Variants in CNTNAP4 observed in about 807,000 individuals in gnomAD.
The protein encoded by CNTNAP4 is contactin-associated protein-like 4.
Under a neutral mutation model 148.4 loss-of-function variants are expected in CNTNAP4, and 98 were observed. That is an observed-to-expected ratio of 0.66 (90% CI 0.56 to 0.78). CNTNAP4 has a LOEUF of 0.78. Ranked by LOEUF, CNTNAP4 falls within the 30% of genes least tolerant of loss-of-function variation. The pLI is 0.00. For synonymous variants in CNTNAP4, 730 were observed against 565.1 expected, an observed-to-expected ratio of 1.29 and a Z score of -4.14; for missense variants, 1,935 against 1,565.6, an observed-to-expected ratio of 1.24 and a Z score of -3.98.
chr16:76,383,191 C>G (rs563358076), intron 3 of CNTNAP4, among the ~76,000 whole-genome samples: 2 of 151,374 alleles, frequency 1.3e-5, no homozygotes, highest in Non-Finnish European at 2.9e-5. Context: ...TTTGGAAGCA[C>G]TCCAGGTCAG....
At chr16:76,515,603 T>A (rs1182561770) in intron 15 of CNTNAP4, among the ~76,000 whole-genome samples, 1 of 152,192 alleles carries the variant, frequency 6.6e-6, no homozygotes, top group Non-Finnish European at 1.5e-5. Context: ...TTAAGCCACC[T>A]GACCTGTGAG....
At chr16:76,400,968 A>C (rs1303874) in intron 3 of CNTNAP4, among the ~76,000 whole-genome samples, 1,765 of 152,210 alleles carry the variant, frequency 0.012, 25 homozygotes, top group Non-Finnish European at 0.019. Context: ...AAGTCAGATA[A>C]CATGACGTCT....
At position 76,327,249 on chromosome 16, in the gene CNTNAP4, T is replaced by G. The variant is rs190655712; in HGVS notation, c.196+10726T>G. Among the ~76,000 whole-genome samples, 8 of 152,284 alleles carry G rather than the reference T, an allele frequency of 5.3e-5. No individual in the cohort carries two copies. The East Asian group carries it at 1.5e-3, about 29-fold the overall frequency. On this transcript the variant is annotated intron_variant, in intron 2 of 23. Transcript: ENST00000611870. ...TCCTCAGTGTCTTTTGTTCCCAACTTTAGGTCCATACGCTCCCAATATTTT... is the reference window on the plus strand; with the variant it reads ...TCCTCAGTGTCTTTTGTTCCCAACTGTAGGTCCATACGCTCCCAATATTTT...
intron 1 of CNTNAP4, among the ~76,000 whole-genome samples, chr16:76,294,823 T>G (rs2143865144): frequency 6.6e-6 from 1 of 152,342 alleles, no homozygotes; most frequent in African/African-American, 2.4e-5. Flanking sequence ...ACCAGTTTTC[T>G]TGAAATGTTA....
At position 76,401,800 on chromosome 16, in the gene CNTNAP4, C is replaced by G. The variant is rs146635628; in HGVS notation, c.391-25652C>G. Among the ~76,000 whole-genome samples the G allele has an allele frequency of 1.6e-3, 243 of 152,282 alleles. 1 individual carries two copies. Among genetic ancestry groups the G allele is most frequent in the African/African-American group, 5.5e-3 (229 of 41,558 alleles). ...CCTTTTCCACATCTATTGAGATAAT[C>G]ATGTGATTTTTGTCTTTAGTTCTGT... is the stretch of plus-strand genomic sequence containing the variant. On this transcript the variant is annotated intron_variant, in intron 3 of 23. Coordinates refer to ENST00000611870, the MANE Select transcript of CNTNAP4 (RefSeq NM_033401.5).
chr16:76,357,392 G>C (rs939323533), intron 3 of CNTNAP4, among the ~76,000 whole-genome samples: 1 of 152,188 alleles, frequency 6.6e-6, no homozygotes, highest in African/African-American at 2.4e-5. Flanking sequence ...CCCAGGCACT[G>C]CCATTTACCT....
chr16:76,305,933 A>T (rs1470458528), intron 1 of CNTNAP4, among the ~76,000 whole-genome samples: 1 of 152,152 alleles, frequency 6.6e-6, no homozygotes, highest in Non-Finnish European at 1.5e-5. Context: ...TTCCTGCATT[A>T]ATTTACTTAA....
intron 3 of CNTNAP4, among the ~76,000 whole-genome samples, chr16:76,406,874 G>A (rs149297788): frequency 2.2e-4 from 33 of 152,242 alleles, no homozygotes; most frequent in Non-Finnish European, 3.8e-4. Flanking sequence ...ACAAGGTGAA[G>A]CAGCAAATCC....
chr16:76,374,220 G>A (rs2015175309), intron 3 of CNTNAP4, among the ~76,000 whole-genome samples: 2 of 152,114 alleles, frequency 1.3e-5, no homozygotes, highest in South Asian at 4.1e-4. Context: ...ATCCTCAGGG[G>A]GCAATCACTT....
chr16:76,443,163 C>A (rs763452722), intron 4 of CNTNAP4, among the ~76,000 whole-genome samples: 4 of 151,696 alleles, frequency 2.6e-5, no homozygotes, highest in Non-Finnish European at 5.9e-5. Context: ...TATATAAAAC[C>A]TCAGTTAATA....
Position 76,548,295 on chromosome 16 carries a change from C to CATTTTTTTTTTTTTTT in CNTNAP4, c.3443-4988_3443-4987insATTTTTTTTTTTTTTT, listed in dbSNP as rs759580311. 1.4e-4 allele frequency among the ~76,000 whole-genome samples: 13 copies of CATTTTTTTTTTTTTTT among 92,904 alleles called. 2 individuals carry two copies. Among genetic ancestry groups the CATTTTTTTTTTTTTTT allele is most frequent in the Non-Finnish European group, 1.2e-4 (6 of 48,280 alleles). 60.9% of individuals were successfully genotyped at this position (92,904 alleles called of 152,430 possible). On this transcript the variant is annotated intron_variant, in intron 21 of 23. Coordinates refer to ENST00000611870, the MANE Select transcript of CNTNAP4 (RefSeq NM_033401.5). ...CCCTGGCTCTCTTGATTCACTGCAC[C>CATTTTTTTTTTTTTTT]TTTTTTTTTTTTTTTTTTTTTTTTG...
intron 15 of CNTNAP4, among the ~76,000 whole-genome samples, chr16:76,516,573 A>G (rs954036105): frequency 2.6e-5 from 4 of 152,204 alleles, no homozygotes; most frequent in African/African-American, 9.7e-5. Flanking sequence ...TCCCCAGGGA[A>G]CTGGCAACTT....
In CNTNAP4 at chr16:76,374,301, C is replaced by T. The variant is rs538709128; in HGVS notation, c.390+18790C>T. Among the ~76,000 whole-genome samples, 18 of 152,182 alleles carry T rather than the reference C, an allele frequency of 1.2e-4. No individual in the cohort carries two copies. The East Asian group carries it at 2.5e-3, about 21-fold the overall frequency. ...GAATATCAGTTTCAGAGAAAAGAAT[C>T]TTCTATTTATTTTAGCGAGTTTGTG... On this transcript the variant is annotated intron_variant, in intron 3 of 23. Transcript: ENST00000611870.
At chr16:76,365,883 A>G (rs1179020056) in intron 3 of CNTNAP4, among the ~76,000 whole-genome samples, 1 of 152,074 alleles carries the variant, frequency 6.6e-6, no homozygotes, top group East Asian at 1.9e-4. Context: ...AAATAACTAC[A>G]TGGACAATGT....
chr16:76,543,962 A>G (rs936178041), intron 21 of CNTNAP4, among the ~76,000 whole-genome samples: 2 of 152,200 alleles, frequency 1.3e-5, no homozygotes, highest in African/African-American at 2.4e-5. Context: ...GTGATCACCT[A>G]CCATGTAAAC....
chr16:76,305,973 C>T (rs1376162111), intron 1 of CNTNAP4, among the ~76,000 whole-genome samples: 2 of 152,180 alleles, frequency 1.3e-5, no homozygotes, highest in African/African-American at 2.4e-5. Flanking sequence ...ATCTGTGTTG[C>T]TGTGAAGGAG....
At chr16:76,314,042 CT>C (rs914829271) in intron 1 of CNTNAP4, among the ~76,000 whole-genome samples, 13 of 152,184 alleles carry the variant, frequency 8.5e-5, no homozygotes, top group Non-Finnish European at 1.5e-4. Flanking sequence ...TGAGATTATA[CT>C]TTCCCTCGCT....
At chr16:76,536,147 G>A in intron 18 of CNTNAP4, among the ~76,000 whole-genome samples, 1 of 151,948 alleles carries the variant, frequency 6.6e-6, no homozygotes, top group Non-Finnish European at 1.5e-5. Context: ...TCAGCAACCT[G>A]CCCCATGGGG....
At chr16:76,466,926 A>G (rs928164619) in intron 9 of CNTNAP4, among the ~76,000 whole-genome samples, 6 of 152,120 alleles carry the variant, frequency 3.9e-5, no homozygotes, top group Admixed American at 6.5e-5. Flanking sequence ...AAATACAAAG[A>G]TATTTCATCA....
Sources: gnomAD v4.1 joint callset for allele counts (sites outside exome capture counted in the v4.1 genomes callset) on GRCh38, gnomAD v4.1.1 for gene constraint, MANE v1.5 for transcripts, NCBI Gene and HGNC (gene_info 2026-07-23, HGNC 2026-07-21) for gene names.